The following ICA1 variants were observed in gnomAD, a reference collection of about 807,000 sequenced individuals.
ICA1 encodes islet cell autoantigen 1, also known as 69 kDa islet cell autoantigen.
ICA1 carries 40 observed loss-of-function variants against 71.0 expected under a neutral mutation model. The observed-to-expected ratio is 0.56, with a 90% CI of 0.44 to 0.73. The LOEUF (loss-of-function observed/expected upper bound fraction) is 0.73. Among genes scored for constraint, ICA1 ranks in the 30% least tolerant of loss-of-function variants. ICA1 has a pLI of 0.00. For synonymous variants in ICA1, 207 were observed against 209.5 expected (o/e 0.99, Z 0.10); for missense variants, 578 against 576.5 (o/e 1.00, Z -0.03).
chr7:8,204,794 A>C (rs1234021056), intron 6 of ICA1, among the ~76,000 whole-genome samples: 1 of 152,182 alleles, frequency 6.6e-6, no homozygotes, highest in Non-Finnish European at 1.5e-5. Flanking sequence ...AGTTCATCAA[A>C]TCTTCATTAT....
At chr7:8,199,223 G>C (rs1043459392) in intron 6 of ICA1, among the ~76,000 whole-genome samples, 1 of 152,172 alleles carries the variant, frequency 6.6e-6, no homozygotes, top group South Asian at 2.1e-4. Flanking sequence ...TCCCACTGCA[G>C]GGTATATACC....
chr7:8,128,877 G>A (rs1039517695), intron 12 of ICA1, among the ~76,000 whole-genome samples: 3 of 152,162 alleles, frequency 2.0e-5, no homozygotes, highest in African/African-American at 4.8e-5. Flanking sequence ...CCACCCCTTC[G>A]CTGCTATGTG....
intron 1 of ICA1, among the ~76,000 whole-genome samples, chr7:8,253,762 T>C (rs1454369287): frequency 6.6e-6 from 1 of 152,170 alleles, no homozygotes; most frequent in Non-Finnish European, 1.5e-5. Flanking sequence ...TGAGCATGTG[T>C]GGATTTTCAT....
chr7:8,246,662 G>T (rs558168468), intron 1 of ICA1, among the ~76,000 whole-genome samples: 1 of 152,308 alleles, frequency 6.6e-6, no homozygotes, highest in Non-Finnish European at 1.5e-5. Flanking sequence ...TTGCTCTGTG[G>T]GAAGAATTGA....
At chr7:8,142,161 ATTTC>A in intron 9 of ICA1, 5 of 481,528 alleles carry the variant, frequency 1.0e-5, no homozygotes, top group Non-Finnish European at 1.7e-5. Flanking sequence ...ATCAGAATCC[ATTTC>A]TTCTGATTCC....
At chr7:8,181,766 A>G (rs1351097157) in intron 6 of ICA1, among the ~76,000 whole-genome samples, 1 of 152,206 alleles carries the variant, frequency 6.6e-6, no homozygotes, top group African/African-American at 2.4e-5. Context: ...TTAATTAAGA[A>G]ATGTGAGGCA....
rs182048814 is a variant in ICA1 at position 8,203,861 on chromosome 7, T to C, written c.579+14444A>G. 3.5e-3 allele frequency among the ~76,000 whole-genome samples: 530 copies of C among 152,288 alleles called. 2 individuals carry two copies. Among genetic ancestry groups the C allele is most frequent in the African/African-American group, 9.9e-3 (413 of 41,562 alleles). ...GGATGCTGGCCTTTGTGATGTCTACTTTCCAACCATGAGCCTCAGCTTTGG... is the reference window on the plus strand; with the variant it reads ...GGATGCTGGCCTTTGTGATGTCTACCTTCCAACCATGAGCCTCAGCTTTGG... On this transcript the variant is annotated intron_variant, in intron 6 of 13. Transcript: ENST00000402384.
At chr7:8,255,094 T>C (rs1024008712) in intron 1 of ICA1, among the ~76,000 whole-genome samples, 20 of 152,200 alleles carry the variant, frequency 1.3e-4, no homozygotes, top group Admixed American at 1.2e-3. Flanking sequence ...CCTACACTCT[T>C]ACCCCTGCCC....
At chr7:8,228,572 A>G (rs752776045) in intron 4 of ICA1, 29 bp downstream of exon 4, 14 of 1,345,638 alleles carry the variant, frequency 1.0e-5, no homozygotes, top group Admixed American at 6.1e-5. Context: ...TTACTATTTG[A>G]TCAATATTCA....
intron 8 of ICA1, chr7:8,156,814 C>A: frequency 1.4e-6 from 2 of 1,474,576 alleles, no homozygotes; most frequent in Non-Finnish European, 1.8e-6. Context: ...CAGGACCAAT[C>A]ATTAGACTCA....
chr7:8,131,066 G>A (rs1436224615), intron 12 of ICA1, among the ~76,000 whole-genome samples: 3 of 152,126 alleles, frequency 2.0e-5, no homozygotes, highest in African/African-American at 4.8e-5. Context: ...GACACATGCC[G>A]GACACCTCCC....
chr7:8,183,593 G>A (rs539261018), intron 6 of ICA1, among the ~76,000 whole-genome samples: 2 of 152,204 alleles, frequency 1.3e-5, no homozygotes, highest in Non-Finnish European at 2.9e-5. Context: ...TGGATCAGAA[G>A]CTTCCTGCCT....
intron 6 of ICA1, among the ~76,000 whole-genome samples, chr7:8,183,115 C>T (rs771796253): frequency 6.6e-6 from 1 of 152,094 alleles, no homozygotes; most frequent in African/African-American, 2.4e-5. Flanking sequence ...CTAAATAGAC[C>T]GATTTACAAG....
Position 8,153,690 on chromosome 7 carries a change from C to G in ICA1, c.804+3426G>C, listed in dbSNP as rs534037315. 3.3e-5 allele frequency among the ~76,000 whole-genome samples: 5 copies of G among 152,120 alleles called. No individual in the cohort carries two copies. The East Asian group carries it at 7.7e-4, about 23-fold the overall frequency. ...ATAAACTCTTAGTCTAAGTTACTTT[C>G]TCTAGAAAAGTGACCATGTTTTCAA... On this transcript the variant is annotated intron_variant, in intron 8 of 13. Transcript: ENST00000402384.
At chr7:8,232,884 G>C in intron 2 of ICA1, 129 bp from the exon 3 acceptor site, 1 of 762,710 alleles carries the variant, frequency 1.3e-6, no homozygotes, top group Non-Finnish European at 1.9e-6. Flanking sequence ...AAACGTATGA[G>C]CACTTTCTTA....
At chr7:8,133,127 T>A (rs1264339946) in intron 12 of ICA1, among the ~76,000 whole-genome samples, 3 of 152,122 alleles carry the variant, frequency 2.0e-5, no homozygotes, top group Admixed American at 2.0e-4. Context: ...ATTGGTAGCT[T>A]CTATAAGAAG....
At chr7:8,142,279 C>G (rs1448685803) in intron 9 of ICA1, among the ~76,000 whole-genome samples, 3 of 152,172 alleles carry the variant, frequency 2.0e-5, no homozygotes, top group African/African-American at 7.2e-5. Context: ...CAACTCTCAC[C>G]ACTTCTTTAA....
intron 5 of ICA1, chr7:8,218,754 G>A (rs1563059900): frequency 1.6e-5 from 8 of 514,832 alleles, no homozygotes; most frequent in Admixed American, 9.7e-5. Context: ...ACCTCCATCC[G>A]CGTTGTTGGG....
chr7:8,123,006 G>A lies in ICA1; in HGVS notation c.1330+4867C>T, dbSNP rs1787617698. Among the ~76,000 whole-genome samples, 1 of 152,160 alleles carries A rather than the reference G, an allele frequency of 6.6e-6. No homozygotes were observed. The highest frequency in any genetic ancestry group is 2.4e-5 in the African/African-American group (1 of 41,428). On this transcript the variant is annotated intron_variant, in intron 13 of 13. Transcript: ENST00000402384. The surrounding 1 kb of genome is among the most constrained non-coding windows in gnomAD (Gnocchi z 4.1). ...TCAGCATTGCCTGTCTCCAGCTCAG[G>A]TGGCCTCTCTGGCTGGCTCTCCTCC...
Sources: gnomAD v4.1 joint callset for allele counts (sites outside exome capture counted in the v4.1 genomes callset) on GRCh38, gnomAD v4.1.1 for gene constraint, Gnocchi (gnomAD v3.1) non-coding constraint, MANE v1.5 for transcripts, NCBI Gene and HGNC (gene_info 2026-07-23, HGNC 2026-07-21) for gene names.